LEMD3: variants seen among roughly 807,000 people sequenced by gnomAD.
The protein encoded by LEMD3 is inner nuclear membrane protein Man1.
In LEMD3, 33 loss-of-function variants were observed where a neutral mutation model predicts 95.2. The ratio of observed to expected loss-of-function variants is 0.35; its 90% CI spans 0.26 to 0.46. The LOEUF (loss-of-function observed/expected upper bound fraction) is 0.46, where lower values mean the gene tolerates loss of function less well. Among genes scored for constraint, LEMD3 ranks in the 20% least tolerant of loss-of-function variants. The pLI is 1.00. For synonymous variants in LEMD3, 525 were observed against 474.6 expected (o/e 1.11, Z -1.38); for missense variants, 1,210 against 1,192.8 (o/e 1.01, Z -0.21).
At chr12:65,196,954 G>A (rs989559592) in intron 1 of LEMD3, among the ~76,000 whole-genome samples, 3 of 152,164 alleles carry the variant, frequency 2.0e-5, no homozygotes, top group Non-Finnish European at 2.9e-5. Context: ...GAATTGGGCA[G>A]CACTCAGAAC....
chr12:65,219,124 A>G (rs557326022), intron 4 of LEMD3, among the ~76,000 whole-genome samples: 1 of 152,288 alleles, frequency 6.6e-6, no homozygotes, highest in Admixed American at 6.5e-5. Flanking sequence ...TCTCTATGAG[A>G]GAATGCATAT....
intron 4 of LEMD3, among the ~76,000 whole-genome samples, chr12:65,225,098 G>A (rs1314959317): frequency 6.6e-6 from 1 of 151,980 alleles, no homozygotes; most frequent in Non-Finnish European, 1.5e-5. Flanking sequence ...AATATTTTCT[G>A]TCTCTTTGTT....
chr12:65,178,352 T>A (rs1490525095), intron 1 of LEMD3, among the ~76,000 whole-genome samples: 2 of 152,182 alleles, frequency 1.3e-5, no homozygotes, highest in Non-Finnish European at 2.9e-5. Flanking sequence ...CCTAGAATGA[T>A]TTAAATTAAA....
chr12:65,195,798 C>G (rs1217794317), intron 1 of LEMD3, among the ~76,000 whole-genome samples: 2 of 152,176 alleles, frequency 1.3e-5, no homozygotes, highest in Admixed American at 6.6e-5. Context: ...CAGTCCTTCT[C>G]TCTCTGGTGC....
rs749363247 is a variant in LEMD3, at chr12:65,238,808, T to A, written c.1915T>A (p.Cys639Ser). The change falls in exon 6 of 13, where the codon TGC (cysteine) becomes AGC (serine). Residue 639 changes from cysteine (C) to serine (S), a missense_variant. Cys to Ser is a moderately radical substitution (Grantham distance 112). This residue lies in a region of LEMD3 where 461 missense variants were observed against 569.8 expected (regional missense o/e 0.81). Transcript: ENST00000308330. ...VTVTHRLLLL[C>S]LGVVMVCVVL... ...TGTAACTCACAGATTATTGTTGTTA[T>A]GCTTAGGTAAGTTGTAAAGATAAGA... 1 of 1,613,946 alleles carries A rather than the reference T, an allele frequency of 6.2e-7. No homozygotes were observed. The highest frequency in any genetic ancestry group is 1.3e-5 in the African/African-American group (1 of 74,932).
At chr12:65,190,664 C>G (rs962123204) in intron 1 of LEMD3, among the ~76,000 whole-genome samples, 2 of 152,178 alleles carry the variant, frequency 1.3e-5, no homozygotes, top group Non-Finnish European at 2.9e-5. Flanking sequence ...TGTATAAAAG[C>G]AAGCTGTACC....
chr12:65,238,467 T>G, intron 4 of LEMD3, 35 bp from the exon 5 acceptor site: 3 of 1,327,732 alleles, frequency 2.3e-6, no homozygotes, highest in Non-Finnish European at 3.3e-6. Flanking sequence ...GAATGTAGAT[T>G]AAGAATAGTT....
rs568563836 is a variant in LEMD3, at chr12:65,230,016, G to GT, written c.1696-8483dup. On this transcript the variant is annotated intron_variant, in intron 4 of 12. Transcript: ENST00000308330. ...TGTATGGTGAGAAATAAGGGGGCTC[G>GT]TTTCATTCTGCCTGTTTTCACAGCA... is the stretch of plus-strand genomic sequence containing the variant. Among the ~76,000 whole-genome samples the GT allele has an allele frequency of 2.1e-3, 322 of 152,150 alleles. 1 individual carries two copies. Among genetic ancestry groups the GT allele is most frequent in the African/African-American group, 7.5e-3 (310 of 41,512 alleles).
At chr12:65,172,320 C>T (rs773583407) in intron 1 of LEMD3, among the ~76,000 whole-genome samples, 2 of 152,138 alleles carry the variant, frequency 1.3e-5, no homozygotes, top group African/African-American at 2.4e-5. Context: ...ACTCTTTTCA[C>T]CCAAGATGAA....
chr12:65,227,710 T>G (rs1405204468), intron 4 of LEMD3, among the ~76,000 whole-genome samples: 1 of 149,074 alleles, frequency 6.7e-6, no homozygotes, highest in Non-Finnish European at 1.5e-5. Flanking sequence ...TTTGTAAACT[T>G]TCTTAAAACA....
chr12:65,203,375 T>C (rs776776445), intron 1 of LEMD3, among the ~76,000 whole-genome samples: 17 of 152,212 alleles, frequency 1.1e-4, no homozygotes, highest in Non-Finnish European at 2.2e-4. Context: ...GTTCAAAATA[T>C]TTTAAAGTGT....
chr12:65,228,791 A>G (rs1238978544), intron 4 of LEMD3, among the ~76,000 whole-genome samples: 1 of 152,258 alleles, frequency 6.6e-6, no homozygotes, highest in East Asian at 1.9e-4. Flanking sequence ...TACAGTCAGG[A>G]TAAATGAGCC....
At chr12:65,224,620 G>C (rs1243375838) in intron 4 of LEMD3, among the ~76,000 whole-genome samples, 1 of 151,726 alleles carries the variant, frequency 6.6e-6, no homozygotes, top group Non-Finnish European at 1.5e-5. Flanking sequence ...GGACTCCCTT[G>C]TATGTGATGA....
chr12:65,220,147 C>T (rs1158386218), intron 4 of LEMD3, among the ~76,000 whole-genome samples: 2 of 152,106 alleles, frequency 1.3e-5, no homozygotes, highest in Non-Finnish European at 2.9e-5. Flanking sequence ...TTGACTGTAC[C>T]ATTTTACATT....
At chr12:65,236,293 G>A (rs569271657) in intron 4 of LEMD3, among the ~76,000 whole-genome samples, 49 of 152,238 alleles carry the variant, frequency 3.2e-4, no homozygotes, top group Middle Eastern at 3.4e-3. Flanking sequence ...TGTAATCCTA[G>A]CACTTTGGGA....
At chr12:65,219,772 T>C (rs147932150) in intron 4 of LEMD3, among the ~76,000 whole-genome samples, 1 of 152,208 alleles carries the variant, frequency 6.6e-6, no homozygotes, top group Non-Finnish European at 1.5e-5. Flanking sequence ...TCAGTGTGAT[T>C]AACAGATACC....
At chr12:65,207,983 T>C (rs1466871320) in intron 1 of LEMD3, among the ~76,000 whole-genome samples, 6 of 152,050 alleles carry the variant, frequency 3.9e-5, no homozygotes, top group African/African-American at 1.4e-4. Context: ...AGGAGAAGCA[T>C]TGTGTGTCTT....
intron 1 of LEMD3, among the ~76,000 whole-genome samples, chr12:65,183,110 C>T (rs141473859): frequency 1.4e-4 from 21 of 152,252 alleles, no homozygotes; most frequent in Middle Eastern, 3.4e-3. Context: ...TAGACCAGAA[C>T]CGTCCAGTAG....
Position 65,234,566 on chromosome 12 carries a change from A to C in LEMD3, c.1696-3936A>C, listed in dbSNP as rs181474059. ...CCCATTAAGTCCTTAATGAGGTTTT[A>C]AATAATCAATTGTTTATTGAGAATG... On this transcript the variant is annotated intron_variant, in intron 4 of 12. Transcript: ENST00000308330. 2.1e-3 allele frequency among the ~76,000 whole-genome samples: 321 copies of C among 152,300 alleles called. 1 individual carries two copies. The highest frequency in any genetic ancestry group is 7.4e-3 in the African/African-American group (309 of 41,560).
Sources: allele counts gnomAD v4.1 joint callset (sites outside exome capture counted in the v4.1 genomes callset), GRCh38; gene constraint gnomAD v4.1.1; regional missense constraint gnomAD v4.1.1; transcripts MANE v1.5; gene names NCBI Gene and HGNC (gene_info 2026-07-23, HGNC 2026-07-21).